UBR3: variants seen among roughly 807,000 people sequenced by gnomAD.
The protein encoded by UBR3 is E3 ubiquitin-protein ligase UBR3.
Under a neutral mutation model 243.2 loss-of-function variants are expected in UBR3, and 85 were observed. That is an observed-to-expected ratio of 0.35 (90% CI 0.29 to 0.42). The LOEUF is 0.42. Ranked by LOEUF, UBR3 falls within the 10% of genes least tolerant of loss-of-function variation. The pLI, the probability that UBR3 is intolerant of heterozygous loss-of-function variation, is 1.00. For missense variants in UBR3, 1,686 were observed against 2,300.8 expected (o/e 0.73, Z 5.47); for synonymous variants, 748 against 799.8 (o/e 0.94, Z 1.09).
At chr2:169,982,440 A>G (rs1241515557) in intron 24 of UBR3, among the ~76,000 whole-genome samples, 2 of 152,102 alleles carry the variant, frequency 1.3e-5, no homozygotes, top group African/African-American at 2.4e-5. Context: ...TTAATTTTAT[A>G]TTAAAATAGG....
At chr2:169,960,316 T>C (rs1363055542) in intron 24 of UBR3, among the ~76,000 whole-genome samples, 15 of 152,060 alleles carry the variant, frequency 9.9e-5, no homozygotes, top group Admixed American at 9.8e-4. Flanking sequence ...TAAATGAATT[T>C]TGTGTTTAGA....
Position 170,015,345 on chromosome 2 carries a change from G to C in UBR3, c.4432G>C (p.Ala1478Pro). Residue 1478 changes from alanine to proline, a missense_variant, in exon 30 of 39, where the codon GCT becomes CCT. Coordinates refer to ENST00000272793, the MANE Select transcript of UBR3 (RefSeq NM_172070.4). ...TTTGTGTTCAGGTGGTGCAAGCACAGCTGGCAAAAGGTCTTGTTTAAGTAA... is the reference window on the plus strand; with the variant it reads ...TTTGTGTTCAGGTGGTGCAAGCACACCTGGCAAAAGGTCTTGTTTAAGTAA... ...GNLCSGGAST[A>P]GKRSCLNQLF... 6.2e-7 allele frequency: 1 copy of C among 1,611,814 alleles called. No individual in the cohort carries two copies. Among genetic ancestry groups the C allele is most frequent in the Non-Finnish European group, 8.5e-7 (1 of 1,178,736 alleles).
At chr2:170,045,775 G>C (rs2091069353) in intron 32 of UBR3, among the ~76,000 whole-genome samples, 1 of 151,984 alleles carries the variant, frequency 6.6e-6, no homozygotes, top group South Asian at 2.1e-4. Flanking sequence ...CCTCCCACCT[G>C]TGGTTATTTT....
chr2:170,019,735 G>A (rs1243151234), intron 30 of UBR3, among the ~76,000 whole-genome samples: 1 of 152,068 alleles, frequency 6.6e-6, no homozygotes, highest in African/African-American at 2.4e-5. Flanking sequence ...CCTACAGTTA[G>A]GGAGCATAAA....
intron 6 of UBR3, among the ~76,000 whole-genome samples, chr2:169,893,156 A>G (rs1414094305): frequency 6.6e-6 from 1 of 152,222 alleles, no homozygotes; most frequent in African/African-American, 2.4e-5. Flanking sequence ...CTATTTTAAG[A>G]ACAACAAAGA....
chr2:169,936,840 AG>A (rs2105353097), intron 19 of UBR3, among the ~76,000 whole-genome samples: 1 of 152,308 alleles, frequency 6.6e-6, no homozygotes, highest in Non-Finnish European at 1.5e-5. Context: ...GTCCGTACAA[AG>A]GACATGAACT....
chr2:169,964,875 T>G (rs1449093647), intron 24 of UBR3: 1 of 456,906 alleles, frequency 2.2e-6, no homozygotes, highest in African/African-American at 2.0e-5. Flanking sequence ...CAAATATGAT[T>G]GCTAGCAAAC....
At chr2:169,942,289 C>G (rs1193098667) in intron 19 of UBR3, among the ~76,000 whole-genome samples, 2 of 152,156 alleles carry the variant, frequency 1.3e-5, no homozygotes, top group African/African-American at 4.8e-5. Flanking sequence ...GCTTAGCTCT[C>G]TTTACTCATC....
At chr2:170,059,046 G>A (rs541138565) in intron 33 of UBR3, among the ~76,000 whole-genome samples, 11 of 152,004 alleles carry the variant, frequency 7.2e-5, no homozygotes, top group East Asian at 3.9e-4. Flanking sequence ...TTCTTATCTC[G>A]ATTTTAGGTC....
intron 32 of UBR3, among the ~76,000 whole-genome samples, chr2:170,044,552 C>T (rs1411664058): frequency 6.6e-6 from 1 of 152,086 alleles, no homozygotes. Context: ...CTTCTGACAT[C>T]ACTGTTTTCA....
chr2:169,908,352 A>C (rs957819973), intron 10 of UBR3, among the ~76,000 whole-genome samples: 70 of 152,340 alleles, frequency 4.6e-4, no homozygotes, highest in Middle Eastern at 3.4e-3. Flanking sequence ...TTTCTTAAAA[A>C]ATTCTCAAGA....
At chr2:169,865,618 G>A (rs2083232554) in intron 1 of UBR3, among the ~76,000 whole-genome samples, 1 of 152,106 alleles carries the variant, frequency 6.6e-6, no homozygotes, top group Non-Finnish European at 1.5e-5. Flanking sequence ...TGCACAAAGT[G>A]TCCAAGAGAG....
Position 170,007,117 on chromosome 2 carries a change from G to A in UBR3, c.4157G>A (p.Arg1386His), listed in dbSNP as rs773437657. 25 of 1,613,102 alleles carry A rather than the reference G, an allele frequency of 1.5e-5. 1 individual carries two copies. Among genetic ancestry groups the A allele is most frequent in the South Asian group, 1.3e-4 (12 of 90,942 alleles). The change falls in exon 28 of 39, where the codon CGT (arginine) becomes CAT (histidine). Residue 1386 changes from arginine (R) to histidine (H), a missense_variant. Around this residue, in one of 8 missense-constraint regions of UBR3, gnomAD observed 371 missense variants for 422.5 expected, o/e 0.88. Transcript: ENST00000272793. ...GSNVENNPWQ[R>H]PSNKSIQDLI... is the part of the protein sequence containing the mutation. Reference sequence around the variant, plus strand: ...AATGTGGAAAATAACCCTTGGCAACGTCCTAGCAACAAAAGCATACAAGAT... The same window carrying A: ...AATGTGGAAAATAACCCTTGGCAACATCCTAGCAACAAAAGCATACAAGAT...
intron 24 of UBR3, among the ~76,000 whole-genome samples, chr2:169,960,718 A>T (rs2087532265): frequency 6.6e-6 from 1 of 152,074 alleles, no homozygotes; most frequent in African/African-American, 2.4e-5. Flanking sequence ...CTTTTTTCAG[A>T]TACTTTTAAA....
chr2:169,962,698 A>C (rs147725159), intron 24 of UBR3, among the ~76,000 whole-genome samples: 1 of 152,078 alleles, frequency 6.6e-6, no homozygotes, highest in Non-Finnish European at 1.5e-5. Context: ...TGTTCTTACT[A>C]TGTGTATAGA....
intron 1 of UBR3, among the ~76,000 whole-genome samples, chr2:169,842,500 A>G (rs533810213): frequency 2.6e-4 from 40 of 152,288 alleles, no homozygotes; most frequent in African/African-American, 9.4e-4. Context: ...CACTCTTTGC[A>G]ATAAATCTTG....
intron 30 of UBR3, among the ~76,000 whole-genome samples, chr2:170,023,742 G>A (rs1439913202): frequency 6.6e-6 from 1 of 152,074 alleles, no homozygotes; most frequent in Non-Finnish European, 1.5e-5. Flanking sequence ...ACAGGCACCT[G>A]CCACTACACC....
In UBR3 at chr2:170,037,602, G is replaced by A. The variant is rs537762296; in HGVS notation, c.4557-3280G>A. ...AGGGTTTCACCATATTGGTCAGGCTGGTCTCAAACTCCTGACCTCAGGTGA... is the reference window on the plus strand; with the variant it reads ...AGGGTTTCACCATATTGGTCAGGCTAGTCTCAAACTCCTGACCTCAGGTGA... On this transcript the variant is annotated intron_variant, in intron 31 of 38. Transcript: ENST00000272793. Among the ~76,000 whole-genome samples, 3 of 152,170 alleles carry A rather than the reference G, an allele frequency of 2.0e-5. No individual in the cohort carries two copies. In the East Asian group the frequency reaches 5.8e-4, roughly 29 times the overall value.
intron 31 of UBR3, among the ~76,000 whole-genome samples, chr2:170,039,030 A>G (rs1281903937): frequency 6.6e-6 from 1 of 152,150 alleles, no homozygotes; most frequent in Non-Finnish European, 1.5e-5. Context: ...TCATCAGTGT[A>G]TAGCTGGCAA....
Sources: allele counts gnomAD v4.1 joint callset (sites outside exome capture counted in the v4.1 genomes callset), GRCh38; gene constraint gnomAD v4.1.1; regional missense constraint gnomAD v4.1.1; transcripts MANE v1.5; gene names NCBI Gene and HGNC (gene_info 2026-07-23, HGNC 2026-07-21).